RECQL5: variants seen among roughly 807,000 people sequenced by gnomAD.
The protein encoded by RECQL5 is ATP-dependent DNA helicase Q5.
A neutral mutation model predicts 103.4 loss-of-function variants in RECQL5; 88 were observed. That is an observed-to-expected ratio of 0.85 (90% CI 0.72 to 1.02). The LOEUF (loss-of-function observed/expected upper bound fraction) is 1.02. RECQL5 is among the 50% of genes least tolerant of loss of function. The pLI is 0.00. For synonymous variants in RECQL5, 552 were observed against 507.9 expected (o/e 1.09, Z -1.17); for missense variants, 1,232 against 1,284.3 (o/e 0.96, Z 0.62).
intron 13 of RECQL5, 37 bp downstream of exon 13, chr17:75,630,582 T>G (rs2059188569): frequency 1.9e-6 from 3 of 1,607,224 alleles, no homozygotes; most frequent in African/African-American, 2.7e-5. Flanking sequence ...GAACGAGAGC[T>G]TGGAGTGCTC....
rs373102473 is a variant in RECQL5, at chr17:75,662,706, G to A, written c.544C>T (p.Arg182Cys). The A allele has an allele frequency of 4.8e-5, 78 of 1,614,030 alleles. No individual in the cohort carries two copies. The highest frequency in any genetic ancestry group is 1.2e-4 in the African/African-American group (9 of 75,052). ...DYLRLGALRSRLGHAPCVALT... is the reference protein window; with the variant it reads ...DYLRLGALRSCLGHAPCVALT... The stretch of plus-strand genomic sequence containing the variant: ...GCCACACAAGGGGCATGTCCCAGGC[G>A]GGAGCGCAGGGCACCCAGACGCAAG... The change falls in exon 4 of 20, where the codon CGC (arginine) becomes TGC (cysteine). Residue 182 changes from arginine to cysteine, a missense_variant. Transcript: ENST00000317905.
In RECQL5 at chr17:75,627,693, C is replaced by A; in HGVS notation, c.2806-1G>T. 6.2e-7 allele frequency: 1 copy of A among 1,602,798 alleles called. No homozygotes were observed. Among genetic ancestry groups the A allele is most frequent in the East Asian group, 2.2e-5 (1 of 44,612 alleles). The stretch of plus-strand genomic sequence containing the variant: ...GGCGGGCAAAGCCTTTAAACAACTC[C>A]TGGAAGGGAGAGGGAGAAGAGAAGC... On this transcript the variant is annotated splice_acceptor_variant, in intron 18 of 19. Coordinates refer to ENST00000317905, the MANE Select transcript of RECQL5 (RefSeq NM_004259.7). LOFTEE classifies it high-confidence loss of function.
At position 75,627,663 on chromosome 17, in the gene RECQL5, G is replaced by A. The variant is rs1202866715; in HGVS notation, c.2835C>T (p.Leu945=). ...KELFKGFARH[L]SHLLTQKTSP... is the part of the protein sequence containing the mutation. ...AGGTCTTCTGAGTCAGCAAGTGTGA[G>A]AGGTGGCGGGCAAAGCCTTTAAACA... Residue 945 remains leucine, a synonymous_variant, in exon 19 of 20, where the codon CTC becomes CTT. Coordinates refer to ENST00000317905, the MANE Select transcript of RECQL5 (RefSeq NM_004259.7). 1 of 1,611,150 alleles carries A rather than the reference G, an allele frequency of 6.2e-7. No individual in the cohort carries two copies. The highest frequency in any genetic ancestry group is 1.7e-5 in the Admixed American group (1 of 59,374).
chr17:75,665,747 A>G (rs2059766822), intron 2 of RECQL5, among the ~76,000 whole-genome samples: 1 of 152,106 alleles, frequency 6.6e-6, no homozygotes, highest in Non-Finnish European at 1.5e-5. Flanking sequence ...TGATTGAACT[A>G]AACAGCCATG....
chr17:75,627,726 A>G (rs1308412285), intron 18 of RECQL5, 34 bp from the exon 19 acceptor site: 34 of 1,577,764 alleles, frequency 2.2e-5, no homozygotes, highest in African/African-American at 2.7e-5. Flanking sequence ...AGCAGAGAGC[A>G]GGACCCTTGG....
intron 7 of RECQL5, among the ~76,000 whole-genome samples, chr17:75,654,530 A>G (rs1039070908): frequency 3.3e-5 from 5 of 152,204 alleles, no homozygotes; most frequent in African/African-American, 1.2e-4. Context: ...GACATGACAT[A>G]CCAGGGGAAA....
chr17:75,651,154 A>C (rs2059550571), intron 8 of RECQL5, 32 bp downstream of exon 8: 1 of 1,614,000 alleles, frequency 6.2e-7, no homozygotes. Flanking sequence ...TCTCACTGAC[A>C]CTTTGCTCCA....
At chr17:75,653,529 T>A (rs941429909) in intron 7 of RECQL5, among the ~76,000 whole-genome samples, 1 of 152,218 alleles carries the variant, frequency 6.6e-6, no homozygotes, top group Admixed American at 6.5e-5. Flanking sequence ...TGATTATTCA[T>A]CAGCGGCCTT....
At chr17:75,655,219 C>T (rs1002860462) in intron 7 of RECQL5, among the ~76,000 whole-genome samples, 7 of 152,088 alleles carry the variant, frequency 4.6e-5, no homozygotes, top group Non-Finnish European at 1.0e-4. Flanking sequence ...TTACAGGAGC[C>T]CGCCACCACG....
chr17:75,657,845 C>T lies in RECQL5; in HGVS notation c.1149+453G>A, dbSNP rs377368170. ...CAGGCGGATCACGAGGTCATGAGAT[C>T]GAGACCATCCTGGCCAACATGGTGA... On this transcript the variant is annotated intron_variant, in intron 7 of 19. Coordinates refer to ENST00000317905, the MANE Select transcript of RECQL5 (RefSeq NM_004259.7). Among the ~76,000 whole-genome samples the T allele has an allele frequency of 3.3e-5, 5 of 151,008 alleles. No homozygotes were observed. The East Asian group carries it at 9.8e-4, about 29-fold the overall frequency.
rs1346697652 is a variant in RECQL5 at position 75,661,675 on chromosome 17, T to C, written c.805A>G (p.Arg269Gly). 8 of 1,614,034 alleles carry C rather than the reference T, an allele frequency of 5.0e-6. No individual in the cohort carries two copies. Among genetic ancestry groups the C allele is most frequent in the Non-Finnish European group, 6.8e-6 (8 of 1,180,028 alleles). Residue 269 changes from arginine to glycine, a missense_variant, in exon 5 of 20, where the codon AGA becomes GGA. Coordinates refer to ENST00000317905, the MANE Select transcript of RECQL5 (RefSeq NM_004259.7). ...SGCGIVYCRT[R>G]EACEQLAIEL... ...ATGGCCAGCTGTTCACAAGCCTCTC[T>C]AGTCCTGCAGTACACAATGCCGCAG...
intron 4 of RECQL5, among the ~76,000 whole-genome samples, chr17:75,662,092 C>T (rs1009043108): frequency 2.0e-5 from 3 of 152,014 alleles, no homozygotes; most frequent in Non-Finnish European, 2.9e-5. Flanking sequence ...ACCCAGGAGG[C>T]GGAGGTTGCG....
At chr17:75,665,198 C>G (rs1599065671) in intron 2 of RECQL5, 26 bp from the exon 3 acceptor site, 1 of 1,595,130 alleles carries the variant, frequency 6.3e-7, no homozygotes, top group East Asian at 2.3e-5. Context: ...ACAACAATAT[C>G]TCAGTGCTTC....
intron 6 of RECQL5, among the ~76,000 whole-genome samples, chr17:75,659,311 C>T (rs765532594): frequency 6.6e-6 from 1 of 152,162 alleles, no homozygotes; most frequent in Non-Finnish European, 1.5e-5. Context: ...CCGCCTGCCT[C>T]GGCCTCCCAA....
chr17:75,630,975 TG>T lies in RECQL5; in HGVS notation c.1583del (p.Pro528GlnfsTer7), dbSNP rs759393872. The T allele has an allele frequency of 6.2e-7, 1 of 1,613,768 alleles. No homozygotes were observed. Among genetic ancestry groups the T allele is most frequent in the African/African-American group, 1.3e-5 (1 of 75,020 alleles). On this transcript the variant is annotated frameshift_variant and splice_region_variant, in exon 11 of 20. Transcript: ENST00000317905. LOFTEE classifies it high-confidence loss of function. ...CTCCAGGAACATTTCTGTACTGACC[TG>T]GGGGTACAAATTCTTCTATCTTGGG... Reference protein sequence around the residue: ...KDPKIEEFVPPDENCPLKEAS... With the variant: ...KDPKIEEFVPXDENCPLKEAS...
At chr17:75,656,631 C>T (rs1293117222) in intron 7 of RECQL5, among the ~76,000 whole-genome samples, 1 of 151,444 alleles carries the variant, frequency 6.6e-6, no homozygotes, top group Non-Finnish European at 1.5e-5. Flanking sequence ...GAGTAGATTT[C>T]TAGTAGGGTT....
At chr17:75,630,564 C>A in intron 13 of RECQL5, 55 bp downstream of exon 13, 1 of 1,583,498 alleles carries the variant, frequency 6.3e-7, no homozygotes, top group Non-Finnish European at 8.7e-7. Flanking sequence ...GTCCTGCAGT[C>A]TCCAAGGGAA....
At position 75,663,011 on chromosome 17, in the gene RECQL5, A is replaced by G. The variant is rs775490227; in HGVS notation, c.253-14T>C. 4.5e-6 allele frequency: 7 copies of G among 1,569,990 alleles called. No homozygotes were observed. The South Asian group carries it at 8.4e-5, about 19-fold the overall frequency. On this transcript the variant is annotated splice_polypyrimidine_tract_variant and intron_variant, in intron 3 of 19. Coordinates refer to ENST00000317905, the MANE Select transcript of RECQL5 (RefSeq NM_004259.7). Reference sequence around the variant, plus strand: ...GTCCACTTGGTCCTAAGAGAAGAGAAAGAGGCTGTAACTGGCCCTCAGGAC... The same window carrying G: ...GTCCACTTGGTCCTAAGAGAAGAGAGAGAGGCTGTAACTGGCCCTCAGGAC...
At chr17:75,664,054 CAA>C (rs34569441) in intron 3 of RECQL5, among the ~76,000 whole-genome samples, 1 of 105,700 alleles carries the variant, frequency 9.5e-6, no homozygotes, top group Non-Finnish European at 1.9e-5. Flanking sequence ...AACTCCATCT[CAA>C]AAAAAAAAAA....
Sources: allele counts gnomAD v4.1 joint callset (sites outside exome capture counted in the v4.1 genomes callset), GRCh38; gene constraint gnomAD v4.1.1; transcripts MANE v1.5; gene names NCBI Gene and HGNC (gene_info 2026-07-23, HGNC 2026-07-21).